Variants in PXDNL observed in about 807,000 individuals in gnomAD.
PXDNL encodes peroxidasin like.
A neutral mutation model predicts 150.8 loss-of-function variants in PXDNL; 145 were observed. The observed-to-expected ratio is 0.96, with a 90% CI of 0.84 to 1.10. The LOEUF (loss-of-function observed/expected upper bound fraction) is 1.10, where lower values mean the gene tolerates loss of function less well. PXDNL is among the 50% of genes least tolerant of loss of function. PXDNL has a pLI of 0.00. For synonymous variants in PXDNL, 757 were observed against 725.7 expected, an observed-to-expected ratio of 1.04 and a Z score of -0.69; for missense variants, 2,087 against 1,873.9, an observed-to-expected ratio of 1.11 and a Z score of -2.10.
chr8:51,470,854 C>T lies in PXDNL; in HGVS notation c.812+1333G>A, dbSNP rs147479839. ...TTAACTCGAGATGGATTGAAGACTT[C>T]AATGTAAGACCTAAAACCATAAAAA... On this transcript the variant is annotated intron_variant, in intron 8 of 22. Transcript: ENST00000356297. Among the ~76,000 whole-genome samples, 161 of 152,026 alleles carry T rather than the reference C, an allele frequency of 1.1e-3. No individual in the cohort carries two copies. In the East Asian group the frequency reaches 0.03, roughly 28 times the overall value.
At position 51,629,716 on chromosome 8, in the gene PXDNL, C is replaced by T. The variant is rs561589642; in HGVS notation, c.236+24973G>A. On this transcript the variant is annotated intron_variant, in intron 2 of 22. Transcript: ENST00000356297. ...TACAAGCGACCCACAGTAAGATTAA[C>T]AGCAGATTTATCATCAGAAACCATG... Among the ~76,000 whole-genome samples the T allele has an allele frequency of 5.3e-5, 8 of 152,232 alleles. No homozygotes were observed. The South Asian group carries it at 1.5e-3, about 28-fold the overall frequency.
At chr8:51,742,780 C>T (rs2036921375) in intron 1 of PXDNL, among the ~76,000 whole-genome samples, 1 of 152,088 alleles carries the variant, frequency 6.6e-6, no homozygotes, top group African/African-American at 2.4e-5. Flanking sequence ...CCACAGTAGG[C>T]ATTTCATGAT....
At chr8:51,467,127 T>C (rs1480115110) in intron 8 of PXDNL, among the ~76,000 whole-genome samples, 1 of 152,104 alleles carries the variant, frequency 6.6e-6, no homozygotes, top group Non-Finnish European at 1.5e-5. Flanking sequence ...AGCAAAAACA[T>C]AGAATCAACA....
intron 2 of PXDNL, among the ~76,000 whole-genome samples, chr8:51,641,418 A>G (rs1814751946): frequency 6.6e-6 from 1 of 150,640 alleles, no homozygotes; most frequent in South Asian, 2.1e-4. Context: ...TGAACAGGCA[A>G]CCTAAAAAAT....
intron 6 of PXDNL, among the ~76,000 whole-genome samples, chr8:51,478,418 A>C (rs918273318): frequency 2.6e-5 from 4 of 152,248 alleles, no homozygotes; most frequent in African/African-American, 9.6e-5. Flanking sequence ...AAGTGGTGCT[A>C]GGTAAATTAA....
intron 13 of PXDNL, 107 bp from the exon 14 acceptor site, chr8:51,423,838 G>GT: frequency 1.0e-6 from 1 of 998,724 alleles, no homozygotes; most frequent in African/African-American, 1.6e-5. Flanking sequence ...TCTATTGCAC[G>GT]TTTGCTGTGT....
chr8:51,769,492 C>A (rs1290025035), intron 1 of PXDNL, among the ~76,000 whole-genome samples: 1 of 152,204 alleles, frequency 6.6e-6, no homozygotes, highest in African/African-American at 2.4e-5. Flanking sequence ...AGACTTTATT[C>A]TGGTTCATGA....
At chr8:51,350,948 A>C (rs971707939) in intron 19 of PXDNL, among the ~76,000 whole-genome samples, 4 of 152,158 alleles carry the variant, frequency 2.6e-5, no homozygotes, top group Admixed American at 2.6e-4. Flanking sequence ...AGTTCTCATA[A>C]AGGAACTGAG....
chr8:51,483,299 T>C (rs1471683681), intron 6 of PXDNL, among the ~76,000 whole-genome samples: 3 of 152,214 alleles, frequency 2.0e-5, no homozygotes, highest in Admixed American at 2.0e-4. Flanking sequence ...GGAGTCAGAC[T>C]TTCTTTGGAA....
At chr8:51,539,374 A>G (rs1585562532) in intron 4 of PXDNL, among the ~76,000 whole-genome samples, 2 of 152,082 alleles carry the variant, frequency 1.3e-5, no homozygotes, top group East Asian at 1.9e-4. Context: ...ATTTTCTAAT[A>G]TTTGGTTAAG....
intron 2 of PXDNL, among the ~76,000 whole-genome samples, chr8:51,629,232 A>T (rs529161963): frequency 6.6e-6 from 1 of 152,230 alleles, no homozygotes; most frequent in African/African-American, 2.4e-5. Flanking sequence ...GAGATTAAAA[A>T]TATAAAAAGA....
intron 10 of PXDNL, among the ~76,000 whole-genome samples, chr8:51,452,966 A>G (rs2129967455): frequency 6.6e-6 from 1 of 152,324 alleles, no homozygotes; most frequent in African/African-American, 2.4e-5. Context: ...ATGCACGCAC[A>G]CACACCAGAA....
intron 1 of PXDNL, among the ~76,000 whole-genome samples, chr8:51,696,815 A>AAC (rs1314552902): frequency 4.3e-5 from 6 of 140,904 alleles, no homozygotes; most frequent in African/African-American, 5.5e-5. Context: ...TCACACACAC[A>AAC]CACACACACA....
chr8:51,495,186 T>G (rs1811015360), intron 5 of PXDNL, among the ~76,000 whole-genome samples: 1 of 151,902 alleles, frequency 6.6e-6, no homozygotes, highest in Admixed American at 6.6e-5. Context: ...GACTACTGGG[T>G]ACATAACAAA....
At chr8:51,639,828 T>A (rs941153058) in intron 2 of PXDNL, among the ~76,000 whole-genome samples, 12 of 152,086 alleles carry the variant, frequency 7.9e-5, no homozygotes, top group African/African-American at 2.4e-4. Flanking sequence ...ATAGAAAAAG[T>A]GGGAATCCTC....
chr8:51,448,632 G>A (rs978869491), intron 11 of PXDNL, among the ~76,000 whole-genome samples: 1 of 152,026 alleles, frequency 6.6e-6, no homozygotes, highest in East Asian at 1.9e-4. Flanking sequence ...CCCGGGAGGC[G>A]GAGCTTGCAG....
intron 3 of PXDNL, among the ~76,000 whole-genome samples, chr8:51,561,775 A>G (rs1812725640): frequency 6.6e-6 from 1 of 151,948 alleles, no homozygotes; most frequent in Admixed American, 6.6e-5. Context: ...TTGCAAGATT[A>G]AAAGGTTCTG....
At chr8:51,591,023 T>C (rs978579954) in intron 3 of PXDNL, among the ~76,000 whole-genome samples, 2 of 152,240 alleles carry the variant, frequency 1.3e-5, no homozygotes, top group South Asian at 2.1e-4. Flanking sequence ...GGAGGGACTA[T>C]TAAGAAGTGA....
intron 8 of PXDNL, among the ~76,000 whole-genome samples, chr8:51,460,117 G>T (rs899054845): frequency 2.0e-5 from 3 of 151,280 alleles, no homozygotes; most frequent in African/African-American, 4.9e-5. Context: ...AGATATGGTG[G>T]CATAAGCCTG....
Sources: gnomAD v4.1 joint callset for allele counts (sites outside exome capture counted in the v4.1 genomes callset) on GRCh38, gnomAD v4.1.1 for gene constraint, MANE v1.5 for transcripts, NCBI Gene and HGNC (gene_info 2026-07-23, HGNC 2026-07-21) for gene names.